PTPRG: variants seen among roughly 807,000 people sequenced by gnomAD.
PTPRG encodes protein tyrosine phosphatase receptor type G.
PTPRG carries 102 observed loss-of-function variants against 165.3 expected under a neutral mutation model. The observed-to-expected ratio is 0.62, with a 90% CI of 0.53 to 0.73. The LOEUF (loss-of-function observed/expected upper bound fraction) is 0.73. Ranked by LOEUF, PTPRG falls within the 30% of genes least tolerant of loss-of-function variation. PTPRG has a pLI of 0.00. For synonymous variants in PTPRG, 675 were observed against 669.5 expected, an observed-to-expected ratio of 1.01 and a Z score of -0.13; for missense variants, 1,866 against 1,861.4, an observed-to-expected ratio of 1.00 and a Z score of -0.05.
intron 1 of PTPRG, among the ~76,000 whole-genome samples, chr3:61,568,420 G>C (rs1430596615): frequency 1.3e-5 from 2 of 152,162 alleles, no homozygotes; most frequent in East Asian, 3.9e-4. Flanking sequence ...ATTGCTTTAA[G>C]TAGCTAGAGG....
At chr3:61,695,072 G>T (rs1399715791) in intron 1 of PTPRG, among the ~76,000 whole-genome samples, 5 of 151,538 alleles carry the variant, frequency 3.3e-5, no homozygotes, top group African/African-American at 1.2e-4. Flanking sequence ...GTGCAATGGC[G>T]CGATAGTGGC....
chr3:62,023,055 G>T (rs1462614360), intron 4 of PTPRG, among the ~76,000 whole-genome samples: 4 of 151,932 alleles, frequency 2.6e-5, no homozygotes, highest in Non-Finnish European at 2.9e-5. Context: ...GACCTCAAAA[G>T]GCTGCAGCTT....
Position 62,213,466 on chromosome 3 carries a change from A to G in PTPRG, c.2156-5385A>G, listed in dbSNP as rs545601429. Among the ~76,000 whole-genome samples the G allele has an allele frequency of 7.2e-5, 11 of 152,316 alleles. No individual in the cohort carries two copies. Among genetic ancestry groups the G allele is most frequent in the Admixed American group, 2.6e-4 (4 of 15,300 alleles). On this transcript the variant is annotated intron_variant, in intron 12 of 29. Transcript: ENST00000474889. The surrounding 1 kb of genome is among the most constrained non-coding windows in gnomAD (Gnocchi z 4.4). ...TATAAGTTACATAGCCATAACTTAC[A>G]TAGTCTGTTTTCACACGGACGATCT...
chr3:62,074,578 CA>C (rs1216471998), intron 4 of PTPRG, among the ~76,000 whole-genome samples: 2 of 152,000 alleles, frequency 1.3e-5, no homozygotes, highest in Non-Finnish European at 2.9e-5. Flanking sequence ...TGTTCTCAAC[CA>C]GTCCTCCCAC....
At chr3:61,906,922 A>G (rs2038672207) in intron 2 of PTPRG, among the ~76,000 whole-genome samples, 1 of 152,218 alleles carries the variant, frequency 6.6e-6, no homozygotes, top group African/African-American at 2.4e-5. Context: ...ACATTAAAAA[A>G]AGGTGTCCTG....
intron 2 of PTPRG, among the ~76,000 whole-genome samples, chr3:61,836,062 C>CCCCA (rs2036450402): frequency 9.7e-6 from 1 of 103,622 alleles, no homozygotes; most frequent in African/African-American, 3.5e-5. Flanking sequence ...CCCCCCCCAC[C>CCCCA]AAAAAAAAAA....
chr3:61,830,554 C>CTTTTTG (rs1472879002), intron 2 of PTPRG, among the ~76,000 whole-genome samples: 1,579 of 115,234 alleles, frequency 0.014, 20 homozygotes, highest in Middle Eastern at 0.026. Context: ...GGTGATGGTT[C>CTTTTTG]TTTTTGTTTT....
At chr3:62,160,132 C>G (rs1269883990) in intron 7 of PTPRG, among the ~76,000 whole-genome samples, 1 of 152,222 alleles carries the variant, frequency 6.6e-6, no homozygotes, top group Non-Finnish European at 1.5e-5. Flanking sequence ...CTCTTTTCTT[C>G]CCTGTCATCC....
At chr3:62,135,134 C>T (rs1257477211) in intron 6 of PTPRG, among the ~76,000 whole-genome samples, 1 of 151,412 alleles carries the variant, frequency 6.6e-6, no homozygotes, top group Non-Finnish European at 1.5e-5. Flanking sequence ...ATTAACTAGG[C>T]GTGATGGTAC....
At chr3:62,028,946 G>C (rs1253413317) in intron 4 of PTPRG, among the ~76,000 whole-genome samples, 2 of 152,168 alleles carry the variant, frequency 1.3e-5, no homozygotes, top group Admixed American at 6.5e-5. Context: ...TAATGCCAAA[G>C]ACCCAGGAAC....
chr3:61,790,327 A>G (rs1273923595), intron 2 of PTPRG, among the ~76,000 whole-genome samples: 2 of 152,216 alleles, frequency 1.3e-5, no homozygotes, highest in Non-Finnish European at 2.9e-5. Flanking sequence ...AGCACAGAGT[A>G]CTTCGGGAAC....
At chr3:61,976,683 A>AT (rs944776588) in intron 2 of PTPRG, among the ~76,000 whole-genome samples, 4 of 151,264 alleles carry the variant, frequency 2.6e-5, no homozygotes, top group Admixed American at 6.6e-5. Flanking sequence ...TTTTTAAAAA[A>AT]TTTTTTTTTG....
intron 5 of PTPRG, among the ~76,000 whole-genome samples, chr3:62,104,174 A>AT (rs1305072285): frequency 2.0e-5 from 3 of 152,108 alleles, no homozygotes; most frequent in Non-Finnish European, 4.4e-5. Flanking sequence ...CCTTCTAGGG[A>AT]TTTTTTTGTT....
intron 4 of PTPRG, among the ~76,000 whole-genome samples, chr3:62,015,506 C>A (rs1398386865): frequency 6.6e-6 from 1 of 152,036 alleles, no homozygotes; most frequent in East Asian, 1.9e-4. Flanking sequence ...TTATTTTAAA[C>A]AAAAAAAATT....
chr3:62,184,910 G>GC (rs1705813043), intron 8 of PTPRG, among the ~76,000 whole-genome samples: 1 of 152,090 alleles, frequency 6.6e-6, no homozygotes, highest in African/African-American at 2.4e-5. Flanking sequence ...CTGGAAGAAG[G>GC]CCCCTGGAGG....
chr3:62,184,572 C>G (rs183012580), intron 8 of PTPRG, among the ~76,000 whole-genome samples: 2 of 152,310 alleles, frequency 1.3e-5, no homozygotes, highest in Non-Finnish European at 2.9e-5. Context: ...GGGCTCTCTT[C>G]CACCTGACTG....
chr3:61,583,437 G>C (rs1700353688), intron 1 of PTPRG, among the ~76,000 whole-genome samples: 2 of 152,224 alleles, frequency 1.3e-5, no homozygotes, highest in Non-Finnish European at 2.9e-5. Context: ...CTGTCTCATA[G>C]AGCTGATGGA....
chr3:61,909,716 T>C (rs1484280612), intron 2 of PTPRG, among the ~76,000 whole-genome samples: 1 of 152,158 alleles, frequency 6.6e-6, no homozygotes, highest in African/African-American at 2.4e-5. Context: ...TGTAGGACTA[T>C]ACAGTTTAAA....
intron 5 of PTPRG, among the ~76,000 whole-genome samples, chr3:62,130,860 A>G (rs1174851326): frequency 6.6e-6 from 1 of 152,096 alleles, no homozygotes; most frequent in Non-Finnish European, 1.5e-5. Flanking sequence ...GCTTCTTCTC[A>G]GGCAATTTGT....
Sources: gnomAD v4.1 joint callset for allele counts (sites outside exome capture counted in the v4.1 genomes callset) on GRCh38, gnomAD v4.1.1 for gene constraint, Gnocchi (gnomAD v3.1) non-coding constraint, MANE v1.5 for transcripts, NCBI Gene and HGNC (gene_info 2026-07-23, HGNC 2026-07-21) for gene names.